LRRC28: variants seen among roughly 807,000 people sequenced by gnomAD.
LRRC28 encodes the protein leucine rich repeat containing 28.
In LRRC28, 39 loss-of-function variants were observed where a neutral mutation model predicts 45.7. That is an observed-to-expected ratio of 0.85 (90% CI 0.66 to 1.12). The LOEUF (loss-of-function observed/expected upper bound fraction) is 1.12, where lower values mean the gene tolerates loss of function less well. Among genes scored for constraint, LRRC28 ranks in the 50% most tolerant of loss-of-function variants. The pLI is 0.00. For missense variants in LRRC28, 435 were observed against 438.5 expected (o/e 0.99, Z 0.07); for synonymous variants, 206 against 178.8 (o/e 1.15, Z -1.22).
rs143702262 is a variant in LRRC28 at position 99,353,251 on chromosome 15, C to A, written c.695+780C>A. On this transcript the variant is annotated intron_variant, in intron 7 of 9. Coordinates refer to ENST00000301981, the MANE Select transcript of LRRC28 (RefSeq NM_144598.5). ...GTGAACACCCCGGGGGCAACCTAAT[C>A]AGCATGTTTGACTCTCCCCTTCTAG... Among the ~76,000 whole-genome samples the A allele has an allele frequency of 1.1e-4, 17 of 152,274 alleles. No homozygotes were observed. In the East Asian group the frequency reaches 2.1e-3, roughly 19 times the overall value.
intron 1 of LRRC28, among the ~76,000 whole-genome samples, chr15:99,255,061 G>C (rs1240193132): frequency 6.6e-6 from 1 of 152,142 alleles, no homozygotes; most frequent in Non-Finnish European, 1.5e-5. Flanking sequence ...AATCCATAAA[G>C]CTAAAAACAA....
At chr15:99,322,203 A>T (rs532750041) in intron 5 of LRRC28, among the ~76,000 whole-genome samples, 1 of 152,294 alleles carries the variant, frequency 6.6e-6, no homozygotes, top group South Asian at 2.1e-4. Flanking sequence ...CCATGTTGCT[A>T]GTAAGATGGT....
At chr15:99,271,421 G>A (rs1021019109) in intron 2 of LRRC28, among the ~76,000 whole-genome samples, 7 of 151,874 alleles carry the variant, frequency 4.6e-5, no homozygotes, top group Non-Finnish European at 1.5e-5. Context: ...TAGGACTACA[G>A]GTGTGTGCCA....
chr15:99,380,051 A>G (rs1340682221), intron 9 of LRRC28, among the ~76,000 whole-genome samples: 1 of 152,108 alleles, frequency 6.6e-6, no homozygotes, highest in African/African-American at 2.4e-5. Flanking sequence ...TGTCTATTAG[A>G]TCCACTTGGT....
At chr15:99,354,341 G>C (rs1415980776) in intron 7 of LRRC28, among the ~76,000 whole-genome samples, 1 of 152,102 alleles carries the variant, frequency 6.6e-6, no homozygotes, top group Non-Finnish European at 1.5e-5. Flanking sequence ...CTGAAGCTTT[G>C]ACAACAAGCA....
chr15:99,291,603 A>G (rs2082123732), intron 5 of LRRC28, among the ~76,000 whole-genome samples: 1 of 152,230 alleles, frequency 6.6e-6, no homozygotes, highest in Admixed American at 6.5e-5. Context: ...TCTGCTTAAC[A>G]AACCCCTTCT....
chr15:99,334,402 A>AGTGT (rs57298947), intron 6 of LRRC28, among the ~76,000 whole-genome samples: 8,855 of 144,626 alleles, frequency 0.061, 336 homozygotes, highest in African/African-American at 0.1. Flanking sequence ...GGAATTAAAG[A>AGTGT]GTGTGTGTGT....
chr15:99,280,337 G>A (rs1340502867), intron 3 of LRRC28, among the ~76,000 whole-genome samples: 3 of 151,914 alleles, frequency 2.0e-5, no homozygotes. Flanking sequence ...GATGTGTCAT[G>A]CTTTTGATGG....
Position 99,352,462 on chromosome 15 carries a change from G to C in LRRC28, c.686G>C (p.Gly229Ala). The change falls in exon 7 of 10, where the codon GGG becomes GCG. Residue 229 changes from glycine (G) to alanine (A), a missense_variant. Gly to Ala is a moderately conservative substitution (Grantham distance 60, BLOSUM62 0). Coordinates refer to ENST00000301981, the MANE Select transcript of LRRC28 (RefSeq NM_144598.5). ...TCTTATCTGTACAATAAAGTCATCG[G>C]GTGCAGTGGGTAAGGCCGATTTCAC... is the stretch of plus-strand genomic sequence containing the variant. ...LPSYLYNKVI[G>A]CSGCGAPIQV... 1 of 1,611,350 alleles carries C rather than the reference G, an allele frequency of 6.2e-7. No homozygotes were observed. Among genetic ancestry groups the C allele is most frequent in the Non-Finnish European group, 8.5e-7 (1 of 1,178,780 alleles).
At chr15:99,280,235 A>G (rs900692832) in intron 3 of LRRC28, among the ~76,000 whole-genome samples, 1 of 151,864 alleles carries the variant, frequency 6.6e-6, no homozygotes, top group Non-Finnish European at 1.5e-5. Flanking sequence ...ATTCTCTCCC[A>G]GTGTATAGCT....
At chr15:99,290,928 A>G (rs556809972) in intron 5 of LRRC28, among the ~76,000 whole-genome samples, 1 of 152,140 alleles carries the variant, frequency 6.6e-6, no homozygotes, top group Non-Finnish European at 1.5e-5. Flanking sequence ...TGATTGCAGT[A>G]TTGCACTCCA....
intron 6 of LRRC28, among the ~76,000 whole-genome samples, chr15:99,345,428 T>A (rs374481346): frequency 6.6e-6 from 1 of 152,226 alleles, no homozygotes; most frequent in African/African-American, 2.4e-5. Flanking sequence ...ATAGGACTTG[T>A]TGAGCACCTT....
At chr15:99,254,415 T>A (rs747454329) in intron 1 of LRRC28, among the ~76,000 whole-genome samples, 2 of 152,248 alleles carry the variant, frequency 1.3e-5, no homozygotes, top group African/African-American at 4.8e-5. Context: ...TGAAAGCTTA[T>A]GTTGCTGCCT....
intron 5 of LRRC28, among the ~76,000 whole-genome samples, chr15:99,300,664 A>T (rs2082374809): frequency 6.6e-6 from 1 of 152,098 alleles, no homozygotes; most frequent in African/African-American, 2.4e-5. Flanking sequence ...TGCTTCTACT[A>T]AAAATACAAA....
chr15:99,333,684 T>C, intron 5 of LRRC28: 1 of 545,700 alleles, frequency 1.8e-6, no homozygotes, highest in Non-Finnish European at 3.3e-6. Flanking sequence ...TGTCTCTTTT[T>C]TTCTCCATGC....
At chr15:99,313,708 G>A (rs1041147201) in intron 5 of LRRC28, among the ~76,000 whole-genome samples, 1 of 152,006 alleles carries the variant, frequency 6.6e-6, no homozygotes, top group African/African-American at 2.4e-5. Flanking sequence ...TGAATTCATG[G>A]CTGAAGGATA....
At chr15:99,281,422 C>G (rs2081787880) in intron 3 of LRRC28, among the ~76,000 whole-genome samples, 1 of 151,042 alleles carries the variant, frequency 6.6e-6, no homozygotes, top group Non-Finnish European at 1.5e-5. Context: ...CAGCCTGTTA[C>G]TGTATTTATG....
rs1956078170 is a variant in LRRC28 at position 99,329,103 on chromosome 15, ATTT to A, written c.386-4818_386-4816del. ...AAGCCAAGTATCATTCCTTCTTACC[ATTT>A]TCCTTTTAACACAATGGAACAGATC... On this transcript the variant is annotated intron_variant, in intron 5 of 9. Coordinates refer to ENST00000301981, the MANE Select transcript of LRRC28 (RefSeq NM_144598.5). Among the ~76,000 whole-genome samples, 3 of 152,168 alleles carry A rather than the reference ATTT, an allele frequency of 2.0e-5. No homozygotes were observed. In the South Asian group the frequency reaches 6.2e-4, roughly 32 times the overall value.
intron 6 of LRRC28, among the ~76,000 whole-genome samples, chr15:99,336,005 A>T (rs1213655174): frequency 6.6e-6 from 1 of 152,154 alleles, no homozygotes; most frequent in Non-Finnish European, 1.5e-5. Context: ...CCAGAAACAG[A>T]TTAGGTTGTT....
Sources: gnomAD v4.1 joint callset for allele counts (sites outside exome capture counted in the v4.1 genomes callset) on GRCh38, gnomAD v4.1.1 for gene constraint, MANE v1.5 for transcripts, NCBI Gene and HGNC (gene_info 2026-07-23, HGNC 2026-07-21) for gene names.